Variants in FAT3 observed in about 807,000 individuals in gnomAD.
FAT3 encodes the protein FAT atypical cadherin 3, also known as protocadherin Fat 3.
Under a neutral mutation model 310.2 loss-of-function variants are expected in FAT3, and 95 were observed. The observed-to-expected ratio is 0.31, with a 90% CI of 0.26 to 0.36. The LOEUF is 0.36. FAT3 is among the 10% of genes least tolerant of loss of function. The probability of loss-of-function intolerance (pLI) is 1.00; values close to 1 mark genes in which losing one functional copy is unlikely to be tolerated. For synonymous variants in FAT3, 2,314 were observed against 2,192.9 expected (o/e 1.06, Z -1.54); for missense variants, 5,408 against 5,715.6 (o/e 0.95, Z 1.74).
intron 4 of FAT3, among the ~76,000 whole-genome samples, chr11:92,750,716 G>A (rs1000733642): frequency 3.9e-5 from 6 of 152,152 alleles, no homozygotes; most frequent in Admixed American, 2.0e-4. Context: ...AGCATGGAAC[G>A]TTAGCATGCG....
At chr11:92,355,632 T>G (rs2134649576) in intron 2 of FAT3, among the ~76,000 whole-genome samples, 1 of 152,300 alleles carries the variant, frequency 6.6e-6, no homozygotes, top group Admixed American at 6.5e-5. Flanking sequence ...TTGTTTTGTT[T>G]TGTTATTTTC....
chr11:92,259,014 T>G (rs1477956610), intron 1 of FAT3, among the ~76,000 whole-genome samples: 1 of 145,770 alleles, frequency 6.9e-6, no homozygotes, highest in Non-Finnish European at 1.5e-5. Context: ...GGGCTGTGTG[T>G]GGGGGGCGGG....
At chr11:92,750,386 A>C (rs1333611271) in intron 4 of FAT3, among the ~76,000 whole-genome samples, 1 of 152,192 alleles carries the variant, frequency 6.6e-6, no homozygotes, top group Non-Finnish European at 1.5e-5. Flanking sequence ...ACAAAATTAC[A>C]ACAAATTTAG....
chr11:92,827,391 G>T (rs1948128888), intron 13 of FAT3, among the ~76,000 whole-genome samples: 1 of 152,142 alleles, frequency 6.6e-6, no homozygotes, highest in African/African-American at 2.4e-5. Context: ...TATTTAACTT[G>T]GAAAGGAGTC....
chr11:92,315,477 G>GTATATATATA (rs1211737478), intron 1 of FAT3, among the ~76,000 whole-genome samples: 2 of 81,628 alleles, frequency 2.5e-5, no homozygotes, highest in East Asian at 4.2e-4. Context: ...GTGTGTGTGT[G>GTATATATATA]TGTATATATA....
chr11:92,754,503 C>T (rs1026533724), intron 4 of FAT3, among the ~76,000 whole-genome samples: 3 of 151,140 alleles, frequency 2.0e-5, no homozygotes, highest in African/African-American at 7.3e-5. Context: ...TGGCGGGTGC[C>T]TGTAGTCCCA....
chr11:92,462,485 A>C (rs1285325269), intron 2 of FAT3, among the ~76,000 whole-genome samples: 1 of 152,156 alleles, frequency 6.6e-6, no homozygotes, highest in Non-Finnish European at 1.5e-5. Context: ...CTTTAAAGAA[A>C]TTTTATCTAA....
At position 92,646,263 on chromosome 11, in the gene FAT3, C is replaced by T. The variant is rs142790123; in HGVS notation, c.3608-51121C>T. On this transcript the variant is annotated intron_variant, in intron 3 of 27. Coordinates refer to ENST00000525166, the MANE Select transcript of FAT3 (RefSeq NM_001367949.2). ...ATGGATGGAAGGCTAGGCTCAGTTG[C>T]GACTGTTAACAAAAGTACCTGCATG... 2.7e-3 allele frequency among the ~76,000 whole-genome samples: 412 copies of T among 152,244 alleles called. 6 individuals are homozygous for T. The highest frequency in any genetic ancestry group is 9.7e-3 in the African/African-American group (402 of 41,540).
At chr11:92,386,570 A>G (rs1010857681) in intron 2 of FAT3, among the ~76,000 whole-genome samples, 3 of 152,240 alleles carry the variant, frequency 2.0e-5, no homozygotes, top group Admixed American at 1.3e-4. Context: ...GTTAGTTATT[A>G]TTATTGCCTG....
Position 92,894,226 on chromosome 11 carries a change from T to C in FAT3, c.*3113T>C, listed in dbSNP as rs185898510. 4 of 152,374 alleles carry C rather than the reference T, an allele frequency of 2.6e-5. No homozygotes were observed. In the East Asian group the frequency reaches 7.7e-4, roughly 29 times the overall value. The allele number at this position is 152,374 out of a possible 1,614,324, so 9.4% of individuals were successfully genotyped here. ...TAGAATTCATACATTTCTGTAGACATTCATCGAAATGCTGCTTTTGCCAAA... is the reference window on the plus strand; with the variant it reads ...TAGAATTCATACATTTCTGTAGACACTCATCGAAATGCTGCTTTTGCCAAA... On this transcript the variant is annotated 3_prime_UTR_variant, in exon 28 of 28. Coordinates refer to ENST00000525166, the MANE Select transcript of FAT3 (RefSeq NM_001367949.2).
intron 2 of FAT3, among the ~76,000 whole-genome samples, chr11:92,356,908 C>T (rs964834704): frequency 2.6e-5 from 4 of 152,106 alleles, no homozygotes; most frequent in African/African-American, 9.7e-5. Flanking sequence ...TGTACCATCT[C>T]AAGTTTAAAC....
At chr11:92,823,625 A>T (rs1253704898) in intron 13 of FAT3, among the ~76,000 whole-genome samples, 1 of 152,108 alleles carries the variant, frequency 6.6e-6, no homozygotes, top group East Asian at 1.9e-4. Flanking sequence ...AGCCAGCCCA[A>T]TTGGGAAGTC....
At position 92,368,851 on chromosome 11, in the gene FAT3, C is replaced by CACAT. The variant is rs1555025218; in HGVS notation, c.3292+13451_3292+13454dup. Among the ~76,000 whole-genome samples the CACAT allele has an allele frequency of 6.1e-3, 896 of 145,716 alleles. 23 individuals carry two copies. Among genetic ancestry groups the CACAT allele is most frequent in the African/African-American group, 0.023 (865 of 37,678 alleles). On this transcript the variant is annotated intron_variant, in intron 2 of 27. Transcript: ENST00000525166. ...GTGTATACATATATATATATATACA[C>CACAT]ACATACACATATATATATACACACA... is the stretch of plus-strand genomic sequence containing the variant.
chr11:92,420,850 A>G (rs1950520325), intron 2 of FAT3, among the ~76,000 whole-genome samples: 1 of 152,124 alleles, frequency 6.6e-6, no homozygotes, highest in African/African-American at 2.4e-5. Context: ...CAGTAACTCA[A>G]TTGATTTTAA....
chr11:92,829,111 G>A (rs1483220173), intron 13 of FAT3, among the ~76,000 whole-genome samples: 4 of 152,170 alleles, frequency 2.6e-5, no homozygotes, highest in Admixed American at 2.6e-4. Context: ...AAATTTCCAA[G>A]CATAGATCTC....
At chr11:92,615,216 C>T (rs1260831422) in intron 3 of FAT3, among the ~76,000 whole-genome samples, 1 of 152,056 alleles carries the variant, frequency 6.6e-6, no homozygotes, top group Non-Finnish European at 1.5e-5. Context: ...TTAGAATCAA[C>T]TTGTTAATTT....
chr11:92,506,830 G>A (rs1000750642), intron 2 of FAT3, among the ~76,000 whole-genome samples: 2 of 152,124 alleles, frequency 1.3e-5, no homozygotes, highest in African/African-American at 4.8e-5. Context: ...TATTTACACA[G>A]CTTACGATCA....
At chr11:92,430,578 T>C (rs1950743211) in intron 2 of FAT3, among the ~76,000 whole-genome samples, 2 of 152,106 alleles carry the variant, frequency 1.3e-5, no homozygotes, top group African/African-American at 2.4e-5. Flanking sequence ...GTTACATATG[T>C]ATACATGTGT....
chr11:92,245,101 G>A (rs1187165), intron 1 of FAT3, among the ~76,000 whole-genome samples: 1 of 151,980 alleles, frequency 6.6e-6, no homozygotes, highest in African/African-American at 2.4e-5. Context: ...AAATGCCCAT[G>A]AATGATAGAC....
Sources: gnomAD v4.1 joint callset for allele counts (sites outside exome capture counted in the v4.1 genomes callset) on GRCh38, gnomAD v4.1.1 for gene constraint, MANE v1.5 for transcripts, NCBI Gene and HGNC (gene_info 2026-07-23, HGNC 2026-07-21) for gene names.